AGAP1: variants seen among roughly 807,000 people sequenced by gnomAD.
The protein encoded by AGAP1 is ArfGAP with GTPase domain, ankyrin repeat and PH domain 1.
In AGAP1, 29 loss-of-function variants were observed where a neutral mutation model predicts 105.3. That is an observed-to-expected ratio of 0.28 (90% CI 0.21 to 0.38). The LOEUF (loss-of-function observed/expected upper bound fraction) is 0.38, where lower values mean the gene tolerates loss of function less well. Among genes scored for constraint, AGAP1 ranks in the 10% least tolerant of loss-of-function variants. The pLI, the probability that AGAP1 is intolerant of heterozygous loss-of-function variation, is 1.00. For synonymous variants in AGAP1, 509 were observed against 485.9 expected (o/e 1.05, Z -0.63); for missense variants, 998 against 1,165.1 (o/e 0.86, Z 2.09).
At chr2:235,630,931 G>A (rs1417519130) in intron 1 of AGAP1, among the ~76,000 whole-genome samples, 1 of 152,214 alleles carries the variant, frequency 6.6e-6, no homozygotes, top group Non-Finnish European at 1.5e-5. Flanking sequence ...GCCAGCCGCA[G>A]CCCGATCAAA....
intron 16 of AGAP1, among the ~76,000 whole-genome samples, chr2:236,094,406 G>T (rs1409694316): frequency 6.6e-6 from 1 of 150,462 alleles, no homozygotes; most frequent in South Asian, 2.1e-4. Context: ...AGGCTGGAGT[G>T]CATGGCTCAA....
intron 9 of AGAP1, among the ~76,000 whole-genome samples, chr2:235,826,518 C>T (rs139184706): frequency 0.023 from 3,491 of 152,088 alleles, 111 homozygotes; most frequent in African/African-American, 0.078. Flanking sequence ...GGCACGATCT[C>T]GGCTCACTGC....
chr2:235,709,361 G>A (rs1950713167), intron 2 of AGAP1, 124 bp downstream of exon 2: 2 of 1,156,190 alleles, frequency 1.7e-6, no homozygotes, highest in African/African-American at 1.5e-5. Context: ...CTCTGGGTGT[G>A]TTCCTGGGAA....
At chr2:235,634,720 T>G (rs1575007987) in intron 1 of AGAP1, among the ~76,000 whole-genome samples, 1 of 152,354 alleles carries the variant, frequency 6.6e-6, no homozygotes, top group Admixed American at 6.5e-5. Flanking sequence ...CAGATTTCTC[T>G]GTGTTCTTGC....
chr2:235,542,805 A>G (rs148394586), intron 1 of AGAP1, among the ~76,000 whole-genome samples: 1 of 152,234 alleles, frequency 6.6e-6, no homozygotes, highest in East Asian at 1.9e-4. Context: ...TGCAGGCCCC[A>G]TGGTGCTTCA....
intron 6 of AGAP1, among the ~76,000 whole-genome samples, chr2:235,772,462 T>A (rs953439470): frequency 6.6e-6 from 1 of 152,222 alleles, no homozygotes; most frequent in Non-Finnish European, 1.5e-5. Flanking sequence ...GATCTCCATC[T>A]TAGCTGTTCC....
At position 235,505,171 on chromosome 2, in the gene AGAP1, C is replaced by A. The variant is rs568777653; in HGVS notation, c.163+10322C>A. The stretch of plus-strand genomic sequence containing the variant: ...TTGGCCTAAACTGTGTTATGGCCTT[C>A]ATAGTTACGTATTAGCATTATTCAG... On this transcript the variant is annotated intron_variant, in intron 1 of 17. Transcript: ENST00000304032. Among the ~76,000 whole-genome samples, 185 of 152,344 alleles carry A rather than the reference C, an allele frequency of 1.2e-3. 1 individual carries two copies. The highest frequency in any genetic ancestry group is 4.4e-3 in the African/African-American group (181 of 41,594).
chr2:235,500,954 C>A (rs1400924777), intron 1 of AGAP1, among the ~76,000 whole-genome samples: 1 of 152,146 alleles, frequency 6.6e-6, no homozygotes, highest in Non-Finnish European at 1.5e-5. Context: ...TTAACACCCT[C>A]CCCCAAACAA....
At position 235,970,518 on chromosome 2, in the gene AGAP1, C is replaced by T. The variant is rs534357562; in HGVS notation, c.1645+1895C>T. Among the ~76,000 whole-genome samples the T allele has an allele frequency of 3.3e-5, 5 of 152,316 alleles. No homozygotes were observed. Among genetic ancestry groups the T allele is most frequent in the South Asian group, 2.1e-4 (1 of 4,826 alleles). The stretch of plus-strand genomic sequence containing the variant: ...CCTAAGGTGCACACACAGGGGCGGG[C>T]GCCAGATTCCCTTTAAGGACAGGCC... On this transcript the variant is annotated intron_variant, in intron 13 of 17. Coordinates refer to ENST00000304032, the MANE Select transcript of AGAP1 (RefSeq NM_001037131.3). This position sits in a 1 kb window ranked among gnomAD's most constrained non-coding sequence, Gnocchi z 5.4.
rs1576249257 is a variant in AGAP1, at chr2:236,078,487, C to A, written c.2114+29206C>A. ...CATGTGAAACTGATCATGAGTCATC[C>A]TGCTATGACTTTAATTGCCTGGAGA... On this transcript the variant is annotated intron_variant, in intron 16 of 17. Transcript: ENST00000304032. This position sits in a 1 kb window ranked among gnomAD's most constrained non-coding sequence, Gnocchi z 5.3. 6.6e-6 allele frequency among the ~76,000 whole-genome samples: 1 copy of A among 152,178 alleles called. No individual in the cohort carries two copies. Among genetic ancestry groups the A allele is most frequent in the East Asian group, 1.9e-4 (1 of 5,194 alleles).
chr2:236,055,753 C>T lies in AGAP1; in HGVS notation c.2114+6472C>T, dbSNP rs765021517. On this transcript the variant is annotated intron_variant, in intron 16 of 17. Transcript: ENST00000304032. This position sits in a 1 kb window ranked among gnomAD's most constrained non-coding sequence, Gnocchi z 6.2. ...TTATACATCCTCGGCTATGCAAACG[C>T]AACAGCTGCTCAGGGACCTCAGCCC... Among the ~76,000 whole-genome samples, 6 of 152,204 alleles carry T rather than the reference C, an allele frequency of 3.9e-5. No individual in the cohort carries two copies. The highest frequency in any genetic ancestry group is 7.3e-5 in the Non-Finnish European group (5 of 68,042).
At chr2:236,075,198 T>C (rs926209815) in intron 16 of AGAP1, among the ~76,000 whole-genome samples, 1 of 152,140 alleles carries the variant, frequency 6.6e-6, no homozygotes, top group African/African-American at 2.4e-5. Context: ...TGAGGAATCT[T>C]TCAGGGGTGG....
intron 1 of AGAP1, among the ~76,000 whole-genome samples, chr2:235,585,186 C>A (rs748396969): frequency 6.6e-6 from 1 of 152,092 alleles, no homozygotes; most frequent in Non-Finnish European, 1.5e-5. Context: ...TATTACAGTT[C>A]GGAAGCTCAG....
Position 235,982,444 on chromosome 2 carries a change from A to AG in AGAP1, c.1645+13827dup, listed in dbSNP as rs1334666115. Among the ~76,000 whole-genome samples the AG allele has an allele frequency of 2.0e-5, 3 of 152,178 alleles. No homozygotes were observed. The highest frequency in any genetic ancestry group is 2.9e-5 in the Non-Finnish European group (2 of 68,042). ...GGTCATAGCTAGGAGGTCAGAAGGA[A>AG]GGGGGGACGATTCATGCAATGAGGC... On this transcript the variant is annotated intron_variant, in intron 13 of 17. Coordinates refer to ENST00000304032, the MANE Select transcript of AGAP1 (RefSeq NM_001037131.3). The surrounding 1 kb of genome is among the most constrained non-coding windows in gnomAD (Gnocchi z 4.9).
At chr2:235,823,235 T>G (rs1958896276) in intron 9 of AGAP1, among the ~76,000 whole-genome samples, 1 of 152,198 alleles carries the variant, frequency 6.6e-6, no homozygotes, top group African/African-American at 2.4e-5. Context: ...TGTTAACAAT[T>G]ATAATCTATA....
intron 16 of AGAP1, among the ~76,000 whole-genome samples, chr2:236,052,397 G>T (rs899683083): frequency 1.3e-5 from 2 of 152,142 alleles, no homozygotes. Flanking sequence ...AGAGACCGCC[G>T]CACACTGGAG....
chr2:235,960,793 A>T lies in AGAP1; in HGVS notation c.1484-7669A>T, dbSNP rs568206910. ...GTGCGTGGGGACACTCAACAGGGAG[A>T]TGCTTTCTCTGTGTCAATAGACTTC... is the stretch of plus-strand genomic sequence containing the variant. On this transcript the variant is annotated intron_variant, in intron 12 of 17. Coordinates refer to ENST00000304032, the MANE Select transcript of AGAP1 (RefSeq NM_001037131.3). This position sits in a 1 kb window ranked among gnomAD's most constrained non-coding sequence, Gnocchi z 4.9. Among the ~76,000 whole-genome samples, 2 of 152,254 alleles carry T rather than the reference A, an allele frequency of 1.3e-5. No individual in the cohort carries two copies. Among genetic ancestry groups the T allele is most frequent in the Admixed American group, 6.5e-5 (1 of 15,298 alleles).
At chr2:235,917,487 T>G (rs1427502989) in intron 11 of AGAP1, among the ~76,000 whole-genome samples, 1 of 152,088 alleles carries the variant, frequency 6.6e-6, no homozygotes, top group African/African-American at 2.4e-5. Context: ...TCTCCCTCTC[T>G]CCCTCTCTTT....
Position 236,027,533 on chromosome 2 carries a change from G to T in AGAP1, c.1646-9028G>T, listed in dbSNP as rs1325551263. Among the ~76,000 whole-genome samples the T allele has an allele frequency of 6.6e-6, 1 of 152,146 alleles. No homozygotes were observed. The highest frequency in any genetic ancestry group is 2.4e-5 in the African/African-American group (1 of 41,442). ...CCTCTGCCCTGCCTCCCCCAGGGCA[G>T]ACTGAGCCTCTCCCCTCCAGGTGTC... On this transcript the variant is annotated intron_variant, in intron 13 of 17. Transcript: ENST00000304032. This position sits in a 1 kb window ranked among gnomAD's most constrained non-coding sequence, Gnocchi z 4.4.
Sources: allele counts gnomAD v4.1 joint callset (sites outside exome capture counted in the v4.1 genomes callset), GRCh38; gene constraint gnomAD v4.1.1; non-coding constraint Gnocchi (gnomAD v3.1); transcripts MANE v1.5; gene names NCBI Gene and HGNC (gene_info 2026-07-23, HGNC 2026-07-21).